The following NXPH1 variants were observed in gnomAD, a reference collection of about 807,000 sequenced individuals.
NXPH1 encodes neurexophilin 1.
NXPH1 carries 5 observed loss-of-function variants against 23.7 expected under a neutral mutation model. The observed-to-expected ratio is 0.21, with a 90% confidence interval of 0.11 to 0.44. The LOEUF is 0.44. NXPH1 is among the 20% of genes least tolerant of loss of function. The pLI is 0.99. For synonymous variants in NXPH1, 144 were observed against 122.2 expected, an observed-to-expected ratio of 1.18 and a Z score of -1.18; for missense variants, 324 against 321.6, an observed-to-expected ratio of 1.01 and a Z score of -0.06.
At position 8,435,736 on chromosome 7, in the gene NXPH1, T is replaced by C. The variant is rs756644652; in HGVS notation, c.23T>C (p.Val8Ala). ...AGAATGCAGGCTGCGTGCTGGTACG[T>C]GCTTTTCCTCCTGCAGCCCACCGTC... MQAACWY[V>A]LFLLQPTVYL... is the part of the protein sequence containing the mutation. Residue 8 changes from valine (V) to alanine (A), a missense_variant, in exon 2 of 3, where the codon GTG (valine) becomes GCG (alanine). Val to Ala is a moderately conservative substitution (Grantham distance 64). Coordinates refer to ENST00000405863, the MANE Select transcript of NXPH1 (RefSeq NM_152745.3). The surrounding 1 kb of genome is among the most constrained non-coding windows in gnomAD (Gnocchi z 5.9). 31 of 1,613,950 alleles carry C rather than the reference T, an allele frequency of 1.9e-5. 1 individual carries two copies. The South Asian group carries it at 2.6e-4, about 14-fold the overall frequency.
chr7:8,698,265 A>G lies in NXPH1; in HGVS notation c.55-52743A>G, dbSNP rs527830843. Among the ~76,000 whole-genome samples, 10 of 152,306 alleles carry G rather than the reference A, an allele frequency of 6.6e-5. No individual in the cohort carries two copies. The South Asian group carries it at 1.7e-3, about 25-fold the overall frequency. Reference sequence around the variant, plus strand: ...AGGTAATAAACCTATTTTCAATTCTATAATATATATAAATACAAACCATTT... The same window carrying G: ...AGGTAATAAACCTATTTTCAATTCTGTAATATATATAAATACAAACCATTT... On this transcript the variant is annotated intron_variant, in intron 2 of 2. Coordinates refer to ENST00000405863, the MANE Select transcript of NXPH1 (RefSeq NM_152745.3).
chr7:8,571,288 G>A (rs1343093801), intron 2 of NXPH1, among the ~76,000 whole-genome samples: 1 of 151,860 alleles, frequency 6.6e-6, no homozygotes. Context: ...TATTTAAGAA[G>A]TGGAACTGAA....
intron 2 of NXPH1, among the ~76,000 whole-genome samples, chr7:8,617,271 TGTTGGAGTAGACATGGGA>T (rs1819764696): frequency 6.6e-6 from 1 of 152,118 alleles, no homozygotes; most frequent in Non-Finnish European, 1.5e-5. Flanking sequence ...CAGAACTTGC[TGTTGGAGTAGACATGGGA>T]GTTGAGAAAG....
intron 2 of NXPH1, among the ~76,000 whole-genome samples, chr7:8,483,661 A>G (rs1212939277): frequency 2.0e-5 from 3 of 152,158 alleles, no homozygotes; most frequent in Non-Finnish European, 4.4e-5. Context: ...AGACATATAA[A>G]AGAGCTGTGC....
chr7:8,511,936 AG>A (rs1342283281), intron 2 of NXPH1, among the ~76,000 whole-genome samples: 2 of 152,160 alleles, frequency 1.3e-5, no homozygotes, highest in Non-Finnish European at 2.9e-5. Context: ...CTGACAACTC[AG>A]GAATGGATGA....
intron 2 of NXPH1, among the ~76,000 whole-genome samples, chr7:8,746,236 T>A (rs1780467968): frequency 6.6e-6 from 1 of 152,236 alleles, no homozygotes; most frequent in African/African-American, 2.4e-5. Context: ...CTTCCTGTTT[T>A]TTTCCAGATT....
chr7:8,565,352 C>G lies in NXPH1; in HGVS notation c.54+129585C>G, dbSNP rs539459094. 4.0e-5 allele frequency among the ~76,000 whole-genome samples: 6 copies of G among 151,860 alleles called. No homozygotes were observed. The East Asian group carries it at 7.8e-4, about 20-fold the overall frequency. ...ATATTTTAAGCACGCAATGCAGGATCTTAGTATTTTTAAAGCCAAATAAAG... is the reference window on the plus strand; with the variant it reads ...ATATTTTAAGCACGCAATGCAGGATGTTAGTATTTTTAAAGCCAAATAAAG... On this transcript the variant is annotated intron_variant, in intron 2 of 2. Coordinates refer to ENST00000405863, the MANE Select transcript of NXPH1 (RefSeq NM_152745.3).
intron 2 of NXPH1, among the ~76,000 whole-genome samples, chr7:8,702,680 C>T (rs1368026817): frequency 6.6e-6 from 1 of 152,024 alleles, no homozygotes; most frequent in Admixed American, 6.6e-5. Flanking sequence ...GTTCTTTATA[C>T]TTATTTAAAG....
At chr7:8,749,263 A>G (rs376441015) in intron 2 of NXPH1, among the ~76,000 whole-genome samples, 16 of 152,302 alleles carry the variant, frequency 1.1e-4, no homozygotes, top group South Asian at 8.3e-4. Context: ...TCACAAACTT[A>G]TGAAGTAGAT....
At chr7:8,612,352 G>C (rs1001447377) in intron 2 of NXPH1, among the ~76,000 whole-genome samples, 1 of 151,420 alleles carries the variant, frequency 6.6e-6, no homozygotes, top group East Asian at 1.9e-4. Context: ...TGCAATAAAG[G>C]CTGTTTTGGT....
At chr7:8,606,532 G>C (rs1266950682) in intron 2 of NXPH1, among the ~76,000 whole-genome samples, 12 of 152,042 alleles carry the variant, frequency 7.9e-5, no homozygotes, top group Admixed American at 4.6e-4. Context: ...AAACATAATG[G>C]GGATCAAGAA....
chr7:8,750,419 T>C (rs918216992), intron 2 of NXPH1, among the ~76,000 whole-genome samples: 1 of 152,194 alleles, frequency 6.6e-6, no homozygotes, highest in Non-Finnish European at 1.5e-5. Context: ...CCGCACCTAT[T>C]GACCCGTTCT....
chr7:8,629,126 A>T (rs10085388), intron 2 of NXPH1, among the ~76,000 whole-genome samples: 54,289 of 151,852 alleles, frequency 0.36, 10,684 homozygotes, highest in African/African-American at 0.53. Flanking sequence ...AATGATTGAT[A>T]TTAAGATAGA....
chr7:8,481,851 G>T (rs766067452), intron 2 of NXPH1, among the ~76,000 whole-genome samples: 12 of 152,068 alleles, frequency 7.9e-5, no homozygotes, highest in Non-Finnish European at 1.8e-4. Flanking sequence ...GTAGTCCCCA[G>T]TGTCTATTGT....
intron 2 of NXPH1, among the ~76,000 whole-genome samples, chr7:8,685,009 A>G (rs1388293076): frequency 2.6e-5 from 4 of 152,148 alleles, no homozygotes; most frequent in Non-Finnish European, 5.9e-5. Context: ...GAGCGGAATT[A>G]GAAGTAAGGG....
At chr7:8,545,512 T>C (rs938884202) in intron 2 of NXPH1, among the ~76,000 whole-genome samples, 2 of 151,492 alleles carry the variant, frequency 1.3e-5, no homozygotes, top group South Asian at 4.1e-4. Flanking sequence ...AGGGCATATG[T>C]ACATATATAC....
chr7:8,552,243 A>C (rs1464308328), intron 2 of NXPH1, among the ~76,000 whole-genome samples: 10 of 151,448 alleles, frequency 6.6e-5, no homozygotes, highest in African/African-American at 2.4e-4. Flanking sequence ...TGACAATTAC[A>C]CAAATAATGT....
At chr7:8,737,917 G>A (rs6463838) in intron 2 of NXPH1, among the ~76,000 whole-genome samples, 99,794 of 152,052 alleles carry the variant, frequency 0.66, 34,182 homozygotes, top group African/African-American at 0.86. Flanking sequence ...CTTCCACTCG[G>A]TAGATTCAGC....
At chr7:8,546,647 A>T (rs2349489) in intron 2 of NXPH1, among the ~76,000 whole-genome samples, 66,965 of 151,018 alleles carry the variant, frequency 0.44, 16,208 homozygotes, top group African/African-American at 0.64. Context: ...GAACCTAAAC[A>T]CTGTTAGGAC....
Sources: allele counts gnomAD v4.1 joint callset (sites outside exome capture counted in the v4.1 genomes callset), GRCh38; gene constraint gnomAD v4.1.1; non-coding constraint Gnocchi (gnomAD v3.1); transcripts MANE v1.5; gene names NCBI Gene and HGNC (gene_info 2026-07-23, HGNC 2026-07-21).